The following TMLHE variants were observed in gnomAD, a reference collection of about 807,000 sequenced individuals.
TMLHE encodes trimethyllysine dioxygenase, mitochondrial.
Under a neutral mutation model 25.7 loss-of-function variants are expected in TMLHE, and 18 were observed. The observed-to-expected ratio is 0.70, with a 90% CI of 0.48 to 1.04. TMLHE has a LOEUF of 1.04. TMLHE is among the 50% of genes least tolerant of loss of function. TMLHE has a pLI of 0.00. For missense variants in TMLHE, 236 were observed against 259.0 expected (o/e 0.91, Z 0.61); for synonymous variants, 105 against 97.0 (o/e 1.08, Z -0.49).
intron 2 of TMLHE, among the ~76,000 whole-genome samples, chrX:155,530,124 T>C (rs1364256319): frequency 8.9e-6 from 1 of 112,221 alleles, no homozygotes; most frequent in Admixed American, 9.5e-5. Flanking sequence ...TGCACTTCCA[T>C]GTTCATTGCA....
At position 155,558,331 on chromosome X, in the gene TMLHE, A is replaced by G. The variant is rs183568763; in HGVS notation, c.-1-13054T>C. Among the ~76,000 whole-genome samples the G allele has an allele frequency of 1.9e-4, 21 of 112,040 alleles. No homozygotes were observed. In the Admixed American group the frequency reaches 1.9e-3, roughly 10 times the overall value. The stretch of plus-strand genomic sequence containing the variant: ...CATCTCATCTAAGAAGTCTTCTCTA[A>G]ACTCCCAGAATAAACCAGTAGCTTT... On this transcript the variant is annotated intron_variant, in intron 1 of 7. Coordinates refer to ENST00000334398, the MANE Select transcript of TMLHE (RefSeq NM_018196.4).
intron 1 of TMLHE, among the ~76,000 whole-genome samples, chrX:155,548,449 C>G (rs1280825726): frequency 1.8e-5 from 2 of 110,820 alleles, no homozygotes; most frequent in Non-Finnish European, 3.8e-5. Context: ...TAAAGACATC[C>G]TACAGGCTGG....
intron 2 of TMLHE, among the ~76,000 whole-genome samples, chrX:155,527,189 A>G (rs893829959): frequency 3.6e-5 from 4 of 111,829 alleles, no homozygotes; most frequent in Non-Finnish European, 5.6e-5. Flanking sequence ...GTAATCCCCA[A>G]TGTTGGGGGA....
At chrX:155,546,443 A>G (rs1165607140) in intron 1 of TMLHE, among the ~76,000 whole-genome samples, 1 of 111,508 alleles carries the variant, frequency 9.0e-6, no homozygotes, top group Non-Finnish European at 1.9e-5. Context: ...AACCTTCTCA[A>G]TTACACCCTC....
intron 1 of TMLHE, among the ~76,000 whole-genome samples, chrX:155,597,612 A>T (rs782698969): frequency 8.9e-6 from 1 of 111,750 alleles, no homozygotes; most frequent in East Asian, 2.8e-4. Context: ...TCCAACAATG[A>T]CAGGCTTAGT....
intron 1 of TMLHE, among the ~76,000 whole-genome samples, chrX:155,587,519 A>G (rs1328993486): frequency 8.9e-6 from 1 of 111,793 alleles, no homozygotes; most frequent in African/African-American, 3.2e-5. Flanking sequence ...AGCCAGAGCA[A>G]CCAAGCAAGA....
chrX:155,605,358 T>G (rs1408088920), intron 1 of TMLHE, among the ~76,000 whole-genome samples: 1 of 111,370 alleles, frequency 9.0e-6, no homozygotes, highest in African/African-American at 3.3e-5. Flanking sequence ...CCAAGACACA[T>G]AGTCATCAGA....
At chrX:155,524,035 C>T (rs149617528) in intron 3 of TMLHE, among the ~76,000 whole-genome samples, 3,264 of 111,609 alleles carry the variant, frequency 0.029, 108 homozygotes, top group African/African-American at 0.097. Flanking sequence ...TTAGTTTTCA[C>T]GGTTTTATTA....
chrX:155,573,986 TAATAAAATAA>T lies in TMLHE; in HGVS notation c.-1-28719_-1-28710del, dbSNP rs782520522. 2.2e-4 allele frequency among the ~76,000 whole-genome samples: 23 copies of T among 104,010 alleles called. 2 individuals carry two copies. Among genetic ancestry groups the T allele is most frequent in the Admixed American group, 6.2e-4 (6 of 9,727 alleles). The allele number at this position is 104,010 out of a possible 115,157, so 90.3% of individuals were successfully genotyped here. A position where few individuals can be genotyped will look rare whatever the true frequency, so the allele number is the denominator to read the frequency against. On this transcript the variant is annotated intron_variant, in intron 1 of 7. Transcript: ENST00000334398. The stretch of plus-strand genomic sequence containing the variant: ...TACCCTAAAACTTAAAGTATAATAA[TAATAAAATAA>T]AATAAAATAAAATAATACAACAGAG...
intron 1 of TMLHE, among the ~76,000 whole-genome samples, chrX:155,591,895 C>T (rs1455196835): frequency 8.9e-6 from 1 of 111,864 alleles, no homozygotes; most frequent in Non-Finnish European, 1.9e-5. Context: ...ATCTGCACCC[C>T]CATGCTCACT....
chrX:155,508,527 T>A (rs1006478903), intron 5 of TMLHE, among the ~76,000 whole-genome samples: 2 of 110,663 alleles, frequency 1.8e-5, no homozygotes, highest in Non-Finnish European at 3.8e-5. Flanking sequence ...TTTGGAGAGA[T>A]CATTTCAAGT....
intron 2 of TMLHE, among the ~76,000 whole-genome samples, chrX:155,530,426 A>C (rs201115922): frequency 3.1e-5 from 1 of 32,269 alleles, no homozygotes; most frequent in Non-Finnish European, 9.7e-5. Flanking sequence ...GGGTAGGGGC[A>C]TGAGGCTAAG....
At position 155,531,706 on chromosome X, in the gene TMLHE, C is replaced by T. The variant is rs1054715783; in HGVS notation, c.182-7074G>A. 3.6e-5 allele frequency among the ~76,000 whole-genome samples: 4 copies of T among 111,868 alleles called. No homozygotes were observed. The East Asian group carries it at 8.5e-4, about 24-fold the overall frequency. On this transcript the variant is annotated intron_variant, in intron 2 of 7. Transcript: ENST00000334398. The stretch of plus-strand genomic sequence containing the variant: ...GCCTTATTACATTAAGTTTTTTAAG[C>T]ATAACCTCTGATCAATACTTGGCTG...
At position 155,548,602 on chromosome X, in the gene TMLHE, G is replaced by T. The variant is rs1324539619; in HGVS notation, c.-1-3325C>A. On this transcript the variant is annotated intron_variant, in intron 1 of 7. Coordinates refer to ENST00000334398, the MANE Select transcript of TMLHE (RefSeq NM_018196.4). Reference sequence around the variant, plus strand: ...ATACAAAAATTAGCCGGGTGTGGTGGCACACACCTGTATTCCCAGCTACTC... The same window carrying T: ...ATACAAAAATTAGCCGGGTGTGGTGTCACACACCTGTATTCCCAGCTACTC... 8.3e-5 allele frequency among the ~76,000 whole-genome samples: 9 copies of T among 108,626 alleles called. 1 individual carries two copies. In the South Asian group the frequency reaches 1.6e-3, roughly 19 times the overall value. The allele number at this position is 108,626 out of a possible 115,157, so 94.3% of individuals were successfully genotyped here.
intron 1 of TMLHE, among the ~76,000 whole-genome samples, chrX:155,603,358 AAAAGAAAGAATGAAAGAAAG>A (rs1278412297): frequency 1.4e-5 from 1 of 72,015 alleles, no homozygotes; most frequent in African/African-American, 5.3e-5. Flanking sequence ...AGAAGAAAAG[AAAAGAAAGAATGAAAGAAAG>A]AAAGAAAGAA....
chrX:155,547,722 A>G (rs1167110442), intron 1 of TMLHE, among the ~76,000 whole-genome samples: 1 of 110,755 alleles, frequency 9.0e-6, no homozygotes, highest in Non-Finnish European at 1.9e-5. Context: ...ATTGTAAAAA[A>G]AAAAAAAGAT....
chrX:155,550,867 C>T lies in TMLHE; in HGVS notation c.-1-5590G>A, dbSNP rs782442332. Among the ~76,000 whole-genome samples the T allele has an allele frequency of 9.0e-5, 10 of 110,816 alleles. 1 individual carries two copies. Among genetic ancestry groups the T allele is most frequent in the Non-Finnish European group, 1.9e-4 (10 of 53,046 alleles). ...CTATGTCATCAAAGCAGGTTAAAAACGAGGGGAAAAGCCATTTTTTTCTTC... is the reference window on the plus strand; with the variant it reads ...CTATGTCATCAAAGCAGGTTAAAAATGAGGGGAAAAGCCATTTTTTTCTTC... On this transcript the variant is annotated intron_variant, in intron 1 of 7. Coordinates refer to ENST00000334398, the MANE Select transcript of TMLHE (RefSeq NM_018196.4).
chrX:155,572,316 C>T (rs1182683969), intron 1 of TMLHE, among the ~76,000 whole-genome samples: 1 of 55,789 alleles, frequency 1.8e-5, no homozygotes. Context: ...CTACAAACCA[C>T]TGCTCAATGA....
At chrX:155,556,625 C>T (rs1234340542) in intron 1 of TMLHE, among the ~76,000 whole-genome samples, 24 of 109,109 alleles carry the variant, frequency 2.2e-4, no homozygotes, top group African/African-American at 7.6e-4. Flanking sequence ...AGGGCGAGAT[C>T]ACAGGACCAC....
Sources: gnomAD v4.1 joint callset for allele counts (sites outside exome capture counted in the v4.1 genomes callset) on GRCh38, gnomAD v4.1.1 for gene constraint, MANE v1.5 for transcripts, NCBI Gene and HGNC (gene_info 2026-07-23, HGNC 2026-07-21) for gene names.